Variants in SH3PXD2A observed in about 807,000 individuals in gnomAD.
The protein encoded by SH3PXD2A is SH3 and PX domain-containing protein 2A.
A neutral mutation model predicts 115.2 loss-of-function variants in SH3PXD2A; 32 were observed. The observed-to-expected ratio is 0.28, with a 90% CI of 0.21 to 0.37. The LOEUF (loss-of-function observed/expected upper bound fraction) is 0.37. Ranked by LOEUF, SH3PXD2A falls within the 10% of genes least tolerant of loss-of-function variation. The pLI is 1.00. For synonymous variants in SH3PXD2A, 610 were observed against 629.1 expected, an observed-to-expected ratio of 0.97 and a Z score of 0.45; for missense variants, 1,328 against 1,498.7, an observed-to-expected ratio of 0.89 and a Z score of 1.88.
intron 6 of SH3PXD2A, among the ~76,000 whole-genome samples, chr10:103,677,484 T>C (rs2037552519): frequency 1.3e-5 from 2 of 152,038 alleles, no homozygotes; most frequent in African/African-American, 4.8e-5. Flanking sequence ...TGCCATCCAC[T>C]GGTGCAAGAC....
At chr10:103,767,810 GTTTTTTTTTT>G in intron 2 of SH3PXD2A, among the ~76,000 whole-genome samples, 1 of 67,740 alleles carries the variant, frequency 1.5e-5, no homozygotes, top group Admixed American at 1.6e-4. Context: ...CAACTGTTTT[GTTTTTTTTTT>G]TTTTTTTTTT....
intron 5 of SH3PXD2A, among the ~76,000 whole-genome samples, chr10:103,702,854 G>T (rs889043705): frequency 6.6e-6 from 1 of 152,202 alleles, no homozygotes; most frequent in African/African-American, 2.4e-5. Context: ...GTGAGGACTT[G>T]TGTCGGGGGA....
intron 6 of SH3PXD2A, among the ~76,000 whole-genome samples, chr10:103,686,247 G>A (rs966175805): frequency 6.6e-6 from 1 of 152,186 alleles, no homozygotes; most frequent in South Asian, 2.1e-4. Context: ...GCATGTAAAC[G>A]AGCTGGAGCT....
chr10:103,851,930 A>C (rs1842900763), intron 1 of SH3PXD2A, among the ~76,000 whole-genome samples: 1 of 152,238 alleles, frequency 6.6e-6, no homozygotes, highest in South Asian at 2.1e-4. Flanking sequence ...TACCACATGA[A>C]TTGATATATA....
Position 103,763,113 on chromosome 10 carries a change from C to T in SH3PXD2A, c.229+3981G>A, listed in dbSNP as rs890081284. On this transcript the variant is annotated intron_variant, in intron 3 of 14. Coordinates refer to ENST00000369774, the MANE Select transcript of SH3PXD2A (RefSeq NM_001394015.1). ...ACTGTGTCCTAGGTCCCAAGACTTACGGCCCATGTGTGAGATTTTCTGCCA... is the reference window on the plus strand; with the variant it reads ...ACTGTGTCCTAGGTCCCAAGACTTATGGCCCATGTGTGAGATTTTCTGCCA... 5.3e-5 allele frequency among the ~76,000 whole-genome samples: 8 copies of T among 152,240 alleles called. No homozygotes were observed. The South Asian group carries it at 1.0e-3, about 20-fold the overall frequency.
At position 103,597,391 on chromosome 10, in the gene SH3PXD2A, G is replaced by A. The variant is rs1199449564; in HGVS notation, c.*4425C>T. On this transcript the variant is annotated 3_prime_UTR_variant, in exon 15 of 15. Transcript: ENST00000369774. Reference sequence around the variant, plus strand: ...AGCCCAAATATCAGGACACTGGGGTGAGAGAGGGCTGCTGGGAGTCATTTT... The same window carrying A: ...AGCCCAAATATCAGGACACTGGGGTAAGAGAGGGCTGCTGGGAGTCATTTT... 2.6e-5 allele frequency: 4 copies of A among 152,408 alleles called. No homozygotes were observed. The East Asian group carries it at 7.7e-4, about 29-fold the overall frequency. The allele number at this position is 152,408 out of a possible 1,614,324, so 9.4% of individuals were successfully genotyped here. A position where few individuals can be genotyped will look rare whatever the true frequency, so the allele number is the denominator to read the frequency against.
chr10:103,822,712 A>G (rs2039393725), intron 1 of SH3PXD2A, among the ~76,000 whole-genome samples: 1 of 152,066 alleles, frequency 6.6e-6, no homozygotes, highest in Non-Finnish European at 1.5e-5. Flanking sequence ...CTTAGAGAAT[A>G]CCCCCTCTCT....
intron 1 of SH3PXD2A, among the ~76,000 whole-genome samples, chr10:103,806,482 A>G (rs981618205): frequency 1.3e-5 from 2 of 152,128 alleles, no homozygotes; most frequent in Admixed American, 6.5e-5. Context: ...GAAACCACAG[A>G]GAAAGAACAG....
chr10:103,730,526 C>G (rs1352181023), intron 4 of SH3PXD2A, among the ~76,000 whole-genome samples: 4 of 152,090 alleles, frequency 2.6e-5, no homozygotes, highest in Admixed American at 6.6e-5. Context: ...ATTCAAAACA[C>G]ATGGGTTTTC....
At chr10:103,741,991 TA>T (rs1346008578) in intron 3 of SH3PXD2A, among the ~76,000 whole-genome samples, 1 of 151,796 alleles carries the variant, frequency 6.6e-6, no homozygotes, top group Admixed American at 6.6e-5. Context: ...CAAAATGCTA[TA>T]AAAAAAATCA....
At chr10:103,701,151 TCCATCCATCCATCCATCCATCCATCCA>T (rs1310668543) in intron 5 of SH3PXD2A, among the ~76,000 whole-genome samples, 5 of 128,148 alleles carry the variant, frequency 3.9e-5, no homozygotes, top group African/African-American at 9.4e-5. Context: ...CCACTATCCA[TCCATCCATCCATCCATCCATCCATCCA>T]CCATCCATCC....
chr10:103,611,662 A>G (rs1019561609), intron 12 of SH3PXD2A, 32 bp from the exon 13 acceptor site: 1 of 1,593,166 alleles, frequency 6.3e-7, no homozygotes, highest in Non-Finnish European at 8.6e-7. Context: ...CAGAAATCCT[A>G]GTCAGACGAT....
chr10:103,652,583 A>G (rs2037144240), intron 8 of SH3PXD2A, among the ~76,000 whole-genome samples: 1 of 152,224 alleles, frequency 6.6e-6, no homozygotes. Context: ...GCAATTTCCC[A>G]ACCCAAATTC....
intron 1 of SH3PXD2A, among the ~76,000 whole-genome samples, chr10:103,843,746 G>C (rs1842808169): frequency 6.6e-6 from 1 of 152,108 alleles, no homozygotes; most frequent in South Asian, 2.1e-4. Context: ...CATCCCCTAG[G>C]GAAGCTGTCA....
At chr10:103,760,704 A>T (rs1386266961) in intron 3 of SH3PXD2A, among the ~76,000 whole-genome samples, 2 of 151,774 alleles carry the variant, frequency 1.3e-5, no homozygotes, top group Admixed American at 1.3e-4. Flanking sequence ...ATCAAAAGAG[A>T]GCTGGAGTAA....
intron 1 of SH3PXD2A, among the ~76,000 whole-genome samples, chr10:103,810,017 G>A (rs1370194532): frequency 2.6e-5 from 4 of 152,158 alleles, no homozygotes; most frequent in Admixed American, 6.5e-5. Context: ...GGAGGGTAAT[G>A]AGTAGGTGAG....
chr10:103,782,550 C>T (rs369962514), intron 2 of SH3PXD2A, among the ~76,000 whole-genome samples: 1 of 152,110 alleles, frequency 6.6e-6, no homozygotes, highest in East Asian at 1.9e-4. Flanking sequence ...TTTATTCATT[C>T]AACAATGATT....
intron 5 of SH3PXD2A, among the ~76,000 whole-genome samples, chr10:103,719,417 C>G (rs992207331): frequency 1.3e-5 from 2 of 152,212 alleles, no homozygotes; most frequent in African/African-American, 4.8e-5. Flanking sequence ...TGTCCCTGAG[C>G]CTTCAGCTCC....
At chr10:103,720,776 C>G (rs548865581) in intron 5 of SH3PXD2A, among the ~76,000 whole-genome samples, 1 of 152,182 alleles carries the variant, frequency 6.6e-6, no homozygotes, top group Non-Finnish European at 1.5e-5. Context: ...TAGGCTGACA[C>G]GTCGGCAGCC....
Sources: gnomAD v4.1 joint callset for allele counts (sites outside exome capture counted in the v4.1 genomes callset) on GRCh38, gnomAD v4.1.1 for gene constraint, MANE v1.5 for transcripts, NCBI Gene and HGNC (gene_info 2026-07-23, HGNC 2026-07-21) for gene names.